Variants in DGKB observed in about 807,000 individuals in gnomAD.
The protein encoded by DGKB is 90 kDa diacylglycerol kinase.
DGKB carries 67 observed loss-of-function variants against 114.3 expected under a neutral mutation model. That is an observed-to-expected ratio of 0.59 (90% CI 0.48 to 0.72). The LOEUF (loss-of-function observed/expected upper bound fraction) is 0.72, where lower values mean the gene tolerates loss of function less well. DGKB is among the 30% of genes least tolerant of loss of function. The pLI is 0.00. For synonymous variants in DGKB, 398 were observed against 323.1 expected, an observed-to-expected ratio of 1.23 and a Z score of -2.49; for missense variants, 907 against 975.2, an observed-to-expected ratio of 0.93 and a Z score of 0.93.
intron 2 of DGKB, among the ~76,000 whole-genome samples, chr7:14,840,171 A>G (rs1420570716): frequency 6.6e-6 from 1 of 152,200 alleles, no homozygotes; most frequent in African/African-American, 2.4e-5. Context: ...ATCTTTCTGC[A>G]TAAGTTGACC....
intron 23 of DGKB, among the ~76,000 whole-genome samples, chr7:14,213,705 T>G (rs188836784): frequency 6.6e-6 from 1 of 152,146 alleles, no homozygotes; most frequent in Non-Finnish European, 1.5e-5. Flanking sequence ...TTATTCTGGT[T>G]GCTGTTATTG....
intron 14 of DGKB, among the ~76,000 whole-genome samples, chr7:14,622,617 C>A (rs1472780355): frequency 6.6e-6 from 1 of 152,282 alleles, no homozygotes; most frequent in South Asian, 2.1e-4. Context: ...TGACAACTCA[C>A]CACCTGCCTC....
At chr7:14,220,799 G>A (rs1789807740) in intron 23 of DGKB, among the ~76,000 whole-genome samples, 1 of 151,138 alleles carries the variant, frequency 6.6e-6, no homozygotes, top group South Asian at 2.1e-4. Context: ...AATCTCTTTT[G>A]ACAATGTTTT....
intron 2 of DGKB, among the ~76,000 whole-genome samples, chr7:14,824,883 T>C (rs1845439402): frequency 6.6e-6 from 1 of 151,074 alleles, no homozygotes; most frequent in Admixed American, 6.6e-5. Flanking sequence ...CCATCCCATA[T>C]TGACCAGTAC....
intron 23 of DGKB, among the ~76,000 whole-genome samples, chr7:14,256,026 C>T (rs948402931): frequency 4.6e-5 from 7 of 152,182 alleles, no homozygotes; most frequent in Middle Eastern, 3.2e-3. Context: ...GTAGTGTTCT[C>T]TTATGATTCT....
intron 1 of DGKB, among the ~76,000 whole-genome samples, chr7:14,869,729 C>T (rs1239831336): frequency 6.6e-6 from 1 of 151,970 alleles, no homozygotes; most frequent in Non-Finnish European, 1.5e-5. Context: ...ACTTAAGTTA[C>T]TAATGTTTTT....
intron 2 of DGKB, among the ~76,000 whole-genome samples, chr7:14,829,227 C>A (rs149505575): frequency 1.3e-5 from 2 of 152,116 alleles, no homozygotes; most frequent in East Asian, 3.9e-4. Flanking sequence ...CAAATTCTAA[C>A]TACTTTTTGG....
At chr7:14,289,965 A>G (rs1272625500) in intron 23 of DGKB, among the ~76,000 whole-genome samples, 2 of 152,186 alleles carry the variant, frequency 1.3e-5, no homozygotes, top group Non-Finnish European at 2.9e-5. Context: ...CTACAAACTC[A>G]TTACTTGACA....
intron 21 of DGKB, among the ~76,000 whole-genome samples, chr7:14,369,901 G>T (rs1296945482): frequency 1.3e-5 from 2 of 152,082 alleles, no homozygotes; most frequent in African/African-American, 4.8e-5. Context: ...TATCTGAAAA[G>T]AACTATCTGA....
chr7:14,462,050 C>T (rs1045452082), intron 21 of DGKB, among the ~76,000 whole-genome samples: 27 of 152,124 alleles, frequency 1.8e-4, no homozygotes, highest in Non-Finnish European at 7.4e-5. Context: ...TGATAAAATT[C>T]AACAGCCCTT....
chr7:14,540,949 A>G (rs1793325993), intron 20 of DGKB, among the ~76,000 whole-genome samples: 1 of 152,178 alleles, frequency 6.6e-6, no homozygotes, highest in South Asian at 2.1e-4. Context: ...TGAAAATGGT[A>G]ATCTTCCTTT....
intron 23 of DGKB, among the ~76,000 whole-genome samples, chr7:14,300,316 G>C (rs965187629): frequency 1.3e-5 from 2 of 151,960 alleles, no homozygotes; most frequent in African/African-American, 4.8e-5. Flanking sequence ...TTTTTGTAGG[G>C]AGTGCTCTAG....
At chr7:14,184,204 A>G (rs1783059756) in intron 23 of DGKB, among the ~76,000 whole-genome samples, 1 of 152,142 alleles carries the variant, frequency 6.6e-6, no homozygotes, top group South Asian at 2.1e-4. Context: ...CGGGAGGGTG[A>G]CCAGAGGAGC....
intron 6 of DGKB, among the ~76,000 whole-genome samples, chr7:14,709,185 C>T (rs1474350701): frequency 1.3e-5 from 2 of 152,170 alleles, no homozygotes; most frequent in African/African-American, 4.8e-5. Flanking sequence ...CAAAAGAAGA[C>T]ATTTATGCAG....
chr7:14,662,133 C>T (rs1817238753), intron 13 of DGKB, among the ~76,000 whole-genome samples: 2 of 151,694 alleles, frequency 1.3e-5, no homozygotes, highest in Admixed American at 1.3e-4. Context: ...TGCAGCGCAC[C>T]AGCATGGCAC....
At chr7:14,425,557 C>G (rs781229851) in intron 21 of DGKB, among the ~76,000 whole-genome samples, 8 of 152,084 alleles carry the variant, frequency 5.3e-5, no homozygotes, top group Non-Finnish European at 1.2e-4. Context: ...ACACCTATAT[C>G]CAACATACAG....
intron 1 of DGKB, among the ~76,000 whole-genome samples, chr7:14,971,740 C>T (rs1461885335): frequency 1.3e-5 from 2 of 151,376 alleles, no homozygotes; most frequent in Admixed American, 6.6e-5. Context: ...CCTAAACTTG[C>T]CTACAAAAGG....
chr7:14,728,766 C>G (rs1830398631), intron 5 of DGKB, among the ~76,000 whole-genome samples: 2 of 151,720 alleles, frequency 1.3e-5, no homozygotes, highest in Admixed American at 1.3e-4. Flanking sequence ...TGCAGTGGCG[C>G]CATCTCAGCT....
At chr7:14,435,895 T>A (rs1039957383) in intron 21 of DGKB, among the ~76,000 whole-genome samples, 8 of 152,290 alleles carry the variant, frequency 5.3e-5, no homozygotes, top group African/African-American at 1.9e-4. Flanking sequence ...TTTTGGCACC[T>A]ATTATTGTAA....
Sources: allele counts gnomAD v4.1 joint callset (sites outside exome capture counted in the v4.1 genomes callset), GRCh38; gene constraint gnomAD v4.1.1; transcripts MANE v1.5; gene names NCBI Gene and HGNC (gene_info 2026-07-23, HGNC 2026-07-21).